KALRN: variants seen among roughly 807,000 people sequenced by gnomAD.
KALRN encodes kalirin RhoGEF kinase, also known as kalirin.
KALRN carries 70 observed loss-of-function variants against 353.7 expected under a neutral mutation model. The ratio of observed to expected loss-of-function variants is 0.20; its 90% CI spans 0.16 to 0.24. The LOEUF is 0.24. Ranked by LOEUF, KALRN falls within the 10% of genes least tolerant of loss-of-function variation. KALRN has a pLI of 1.00. For missense variants in KALRN, 2,791 were observed against 3,756.7 expected, an observed-to-expected ratio of 0.74 and a Z score of 6.72; for synonymous variants, 1,391 against 1,434.8, an observed-to-expected ratio of 0.97 and a Z score of 0.69.
intron 12 of KALRN, among the ~76,000 whole-genome samples, chr3:124,398,300 G>A (rs139566719): frequency 1.3e-5 from 2 of 152,244 alleles, no homozygotes; most frequent in Admixed American, 6.5e-5. Flanking sequence ...TTGTCTGTAC[G>A]TATTGTGATA....
intron 49 of KALRN, 110 bp downstream of exon 49, chr3:124,674,724 T>C: frequency 9.4e-6 from 11 of 1,170,244 alleles, no homozygotes; most frequent in African/African-American, 1.6e-5. Flanking sequence ...TACTACTGCT[T>C]ATTCTCAACA....
At chr3:124,094,978 CAGAA>C in intron 1 of KALRN, 1 of 1,364,404 alleles carries the variant, frequency 7.3e-7, no homozygotes, top group Non-Finnish European at 1.0e-6. Flanking sequence ...AAGAGACATG[CAGAA>C]AGACACAGCA....
At chr3:124,427,783 C>G (rs1262436124) in intron 15 of KALRN, among the ~76,000 whole-genome samples, 1 of 152,128 alleles carries the variant, frequency 6.6e-6, no homozygotes, top group Admixed American at 6.6e-5. Context: ...TAGGGGCACT[C>G]TTTGAGTTTT....
chr3:124,102,260 C>T (rs906037790), intron 1 of KALRN, among the ~76,000 whole-genome samples: 1 of 152,104 alleles, frequency 6.6e-6, no homozygotes, highest in Admixed American at 6.5e-5. Context: ...TGAACACACA[C>T]CCGTTTGAAA....
At chr3:124,696,380 AC>A (rs1237112363) in intron 54 of KALRN, 125 bp downstream of exon 54, 6 of 733,558 alleles carry the variant, frequency 8.2e-6, no homozygotes, top group African/African-American at 7.3e-5. Flanking sequence ...AAGCACTCCA[AC>A]CACCTCAGCC....
Position 124,413,629 on chromosome 3 carries a change from G to A in KALRN, c.2506G>A (p.Asp836Asn). 1 of 1,614,136 alleles carries A rather than the reference G, an allele frequency of 6.2e-7. No individual in the cohort carries two copies. The highest frequency in any genetic ancestry group is 2.2e-5 in the East Asian group (1 of 44,880). The change falls in exon 14 of 60, where the codon GAT becomes AAT. Residue 836 changes from aspartate (D) to asparagine (N), a missense_variant. This residue lies in a region of KALRN where 452 missense variants were observed against 575.8 expected (regional missense o/e 0.78). Coordinates refer to ENST00000682506, the MANE Select transcript of KALRN (RefSeq NM_001388419.1). ...MTFEVIQQGQ[D>N]LHQYITEVQA... ...CTTTGAGGTTATCCAGCAGGGACAG[G>A]ATCTGCACCAGTACATCACGGAGGT...
chr3:124,459,241 C>T (rs1212175563), intron 23 of KALRN, among the ~76,000 whole-genome samples: 2 of 152,184 alleles, frequency 1.3e-5, no homozygotes, highest in Admixed American at 6.5e-5. Context: ...GAATGTAAAG[C>T]TGCCACCTAA....
At chr3:124,345,768 A>G (rs1006796847) in intron 9 of KALRN, among the ~76,000 whole-genome samples, 1 of 152,200 alleles carries the variant, frequency 6.6e-6, no homozygotes, top group Admixed American at 6.5e-5. Flanking sequence ...AACTAGCACA[A>G]TCACGATGTG....
At chr3:124,360,041 G>A (rs1481271103) in intron 10 of KALRN, among the ~76,000 whole-genome samples, 1 of 152,242 alleles carries the variant, frequency 6.6e-6, no homozygotes, top group Non-Finnish European at 1.5e-5. Flanking sequence ...TAGAGTAATG[G>A]TATATCCTGC....
intron 34 of KALRN, among the ~76,000 whole-genome samples, chr3:124,569,737 G>A (rs1227409206): frequency 1.3e-5 from 2 of 152,182 alleles, no homozygotes; most frequent in African/African-American, 4.8e-5. Context: ...AGCCAGTCTA[G>A]CTGAATCTAA....
chr3:124,689,581 A>G (rs2061717686), intron 51 of KALRN, among the ~76,000 whole-genome samples: 1 of 152,162 alleles, frequency 6.6e-6, no homozygotes, highest in Non-Finnish European at 1.5e-5. Flanking sequence ...GTTTCTAAGG[A>G]AGGAAAACAT....
At chr3:124,070,950 A>T (rs1258595512) in intron 1 of KALRN, among the ~76,000 whole-genome samples, 2 of 150,870 alleles carry the variant, frequency 1.3e-5, no homozygotes, top group African/African-American at 4.9e-5. Flanking sequence ...AAATTGCCTT[A>T]ATTAGGGATA....
intron 5 of KALRN, among the ~76,000 whole-genome samples, chr3:124,290,181 T>G (rs2076301830): frequency 1.3e-5 from 2 of 152,136 alleles, no homozygotes; most frequent in Non-Finnish European, 2.9e-5. Context: ...GAGAAAATGT[T>G]TACAAGTCTA....
At chr3:124,426,970 A>T (rs1291191778) in intron 15 of KALRN, among the ~76,000 whole-genome samples, 1 of 152,256 alleles carries the variant, frequency 6.6e-6, no homozygotes, top group Non-Finnish European at 1.5e-5. Context: ...ATGAGGAAAG[A>T]AGTTATATTT....
chr3:124,326,251 C>T, intron 7 of KALRN, 80 bp downstream of exon 7: 2 of 1,210,572 alleles, frequency 1.7e-6, no homozygotes, highest in African/African-American at 1.5e-5. Flanking sequence ...TGGGAGCACA[C>T]ACACTCTCTA....
chr3:124,707,592 A>C (rs1401982109), intron 57 of KALRN, among the ~76,000 whole-genome samples: 3 of 152,220 alleles, frequency 2.0e-5, no homozygotes, highest in East Asian at 3.8e-4. Context: ...AAAAACTCCA[A>C]GAAAACCCCA....
At chr3:124,709,840 C>A (rs968372475) in intron 57 of KALRN, among the ~76,000 whole-genome samples, 1 of 152,166 alleles carries the variant, frequency 6.6e-6, no homozygotes, top group Non-Finnish European at 1.5e-5. Flanking sequence ...AGTGCCCAAC[C>A]TAATGGATGA....
chr3:124,714,230 C>G (rs753746972), intron 58 of KALRN, among the ~76,000 whole-genome samples: 2 of 152,100 alleles, frequency 1.3e-5, no homozygotes, highest in Non-Finnish European at 2.9e-5. Flanking sequence ...TTGTAGGGAA[C>G]CTCCTAACTC....
chr3:124,418,609 C>T (rs574388602), intron 14 of KALRN, among the ~76,000 whole-genome samples: 3 of 152,242 alleles, frequency 2.0e-5, no homozygotes, highest in Admixed American at 6.5e-5. Context: ...GCAGCATAGC[C>T]AGAAATATCT....
Sources: gnomAD v4.1 joint callset for allele counts (sites outside exome capture counted in the v4.1 genomes callset) on GRCh38, gnomAD v4.1.1 for gene constraint, gnomAD v4.1.1 regional missense constraint, MANE v1.5 for transcripts, NCBI Gene and HGNC (gene_info 2026-07-23, HGNC 2026-07-21) for gene names.